RYR3: variants seen among roughly 807,000 people sequenced by gnomAD.
RYR3 encodes ryanodine receptor 3, also known as brain ryanodine receptor-calcium release channel.
In RYR3, 207 loss-of-function variants were observed where a neutral mutation model predicts 584.3. The ratio of observed to expected loss-of-function variants is 0.35; its 90% CI spans 0.32 to 0.40. RYR3 has a LOEUF of 0.40. RYR3 is among the 10% of genes least tolerant of loss of function. RYR3 has a pLI of 1.00. For missense variants in RYR3, 5,616 were observed against 6,089.2 expected, an observed-to-expected ratio of 0.92 and a Z score of 2.59; for synonymous variants, 2,416 against 2,248.5, an observed-to-expected ratio of 1.07 and a Z score of -2.11.
chr15:33,531,645 A>T lies in RYR3; in HGVS notation c.354+979A>T, dbSNP rs1186670820. Among the ~76,000 whole-genome samples, 4 of 103,360 alleles carry T rather than the reference A, an allele frequency of 3.9e-5. No individual in the cohort carries two copies. In the South Asian group the frequency reaches 1.1e-3, roughly 28 times the overall value. The allele number at this position is 103,360 out of a possible 152,430, so 67.8% of individuals were successfully genotyped here. On this transcript the variant is annotated intron_variant, in intron 4 of 103. Coordinates refer to ENST00000634891, the MANE Select transcript of RYR3 (RefSeq NM_001036.6). ...CATTTGCTGCAGCATATATATATAT[A>T]TATTTTTTTTTCTGAGCACTGGTAA...
rs771719327 is a variant in RYR3, at chr15:33,541,035, C to A, written c.646+145C>A. The A allele has an allele frequency of 5.7e-5, 34 of 596,496 alleles. No individual in the cohort carries two copies. The Middle Eastern group carries it at 2.7e-3, about 48-fold the overall frequency. 37.0% of individuals were successfully genotyped at this position (596,496 alleles called of 1,614,324 possible). On this transcript the variant is annotated intron_variant, in intron 7 of 103. Transcript: ENST00000634891. ...TTTTAGCTCACTTGAGTTTCTTTCT[C>A]TGAATTCAGTACAGATTATTTTCTA...
intron 51 of RYR3, 128 bp from the exon 52 acceptor site, chr15:33,742,238 A>G: frequency 1.5e-6 from 1 of 684,762 alleles, no homozygotes; most frequent in Non-Finnish European, 2.6e-6. Context: ...GTCCAGCTTT[A>G]GCTTTGGGAT....
intron 36 of RYR3, among the ~76,000 whole-genome samples, chr15:33,668,063 G>GGAAAA (rs530580495): frequency 1.0e-5 from 1 of 97,622 alleles, no homozygotes; most frequent in Non-Finnish European, 1.9e-5. Context: ...ACTCAGTCTT[G>GGAAAA]AAAAAAAAAA....
chr15:33,528,240 T>C (rs2054561370), intron 3 of RYR3, among the ~76,000 whole-genome samples: 1 of 152,172 alleles, frequency 6.6e-6, no homozygotes, highest in Admixed American at 6.5e-5. Flanking sequence ...CCAGTCAGTC[T>C]GAGCCCTCCA....
At chr15:33,578,118 C>T (rs555209449) in intron 12 of RYR3, among the ~76,000 whole-genome samples, 15 of 152,120 alleles carry the variant, frequency 9.9e-5, no homozygotes, top group South Asian at 8.3e-4. Context: ...CAGATGCTGG[C>T]GAGGCTGTGG....
At chr15:33,615,832 T>C (rs1290640032) in intron 19 of RYR3, among the ~76,000 whole-genome samples, 1 of 152,038 alleles carries the variant, frequency 6.6e-6, no homozygotes, top group African/African-American at 2.4e-5. Context: ...CACAGAAAAA[T>C]CTGATTGGAG....
intron 32 of RYR3, 21 bp downstream of exon 32, chr15:33,652,904 C>G (rs778741444): frequency 6.3e-7 from 1 of 1,594,792 alleles, no homozygotes; most frequent in South Asian, 1.1e-5. Flanking sequence ...CTTCTGGGGC[C>G]GAAACAGGGC....
At chr15:33,407,453 C>T (rs1398979998) in intron 1 of RYR3, among the ~76,000 whole-genome samples, 1 of 152,070 alleles carries the variant, frequency 6.6e-6, no homozygotes, top group African/African-American at 2.4e-5. Flanking sequence ...AACAGGAAGT[C>T]CATGTTCCTG....
intron 27 of RYR3, among the ~76,000 whole-genome samples, chr15:33,636,761 T>G (rs2061521921): frequency 6.6e-6 from 1 of 152,228 alleles, no homozygotes; most frequent in Admixed American, 6.5e-5. Flanking sequence ...TACATACACA[T>G]TCTGAACTCT....
chr15:33,830,519 A>T (rs2077612892), intron 85 of RYR3, among the ~76,000 whole-genome samples: 1 of 152,200 alleles, frequency 6.6e-6, no homozygotes, highest in African/African-American at 2.4e-5. Flanking sequence ...GACTCACTTT[A>T]TTGTAATGTT....
chr15:33,765,694 A>G (rs1246525807), intron 60 of RYR3, among the ~76,000 whole-genome samples: 3 of 151,880 alleles, frequency 2.0e-5, no homozygotes, highest in Admixed American at 2.0e-4. Context: ...TTTCCCTAGC[A>G]TCCAGTGAAC....
intron 42 of RYR3, among the ~76,000 whole-genome samples, chr15:33,701,995 A>G (rs1260363024): frequency 6.6e-6 from 1 of 152,300 alleles, no homozygotes; most frequent in Non-Finnish European, 1.5e-5. Flanking sequence ...AAAGAAATTC[A>G]TGCTCATACA....
intron 85 of RYR3, among the ~76,000 whole-genome samples, chr15:33,828,183 T>C (rs1321364218): frequency 6.6e-6 from 1 of 152,234 alleles, no homozygotes; most frequent in Non-Finnish European, 1.5e-5. Context: ...ACTATGCCCT[T>C]GTAAGACAGC....
rs2068038505 is a variant in RYR3, at chr15:33,722,752, G to C, written c.6657G>C (p.Lys2219Asn). Reference protein sequence around the residue: ...SVEENASVVVKLLIRRPECFG... With the variant: ...SVEENASVVVNLLIRRPECFG... ...AAGAAAACGCCAGCGTTGTGGTCAA[G>C]CTGCTCATCAGACGCCCAGAGTGCT... Residue 2219 changes from lysine (K) to asparagine (N), a missense_variant, in exon 44 of 104, where the codon AAG (lysine) becomes AAC (asparagine). Lys to Asn is a moderately conservative substitution (Grantham distance 94). Around this residue, in one of 9 missense-constraint regions of RYR3, gnomAD observed 1,280 missense variants for 1,426.2 expected, o/e 0.90. Transcript: ENST00000634891. The C allele has an allele frequency of 7.4e-6, 12 of 1,612,862 alleles. No homozygotes were observed. The East Asian group carries it at 2.7e-4, about 36-fold the overall frequency.
intron 16 of RYR3, among the ~76,000 whole-genome samples, chr15:33,595,002 A>C (rs956915576): frequency 6.6e-6 from 1 of 152,234 alleles, no homozygotes; most frequent in African/African-American, 2.4e-5. Context: ...CTTCCTGTAT[A>C]ATTTTTATAC....
intron 1 of RYR3, among the ~76,000 whole-genome samples, chr15:33,383,095 T>C (rs2041317986): frequency 6.6e-6 from 1 of 151,820 alleles, no homozygotes; most frequent in African/African-American, 2.4e-5. Flanking sequence ...AAGTGCCTCA[T>C]GGAGGCAGGG....
chr15:33,521,973 G>A (rs2054017394), intron 3 of RYR3, among the ~76,000 whole-genome samples: 1 of 151,964 alleles, frequency 6.6e-6, no homozygotes, highest in South Asian at 2.1e-4. Flanking sequence ...CTATTTGATG[G>A]CCAGATGCGG....
chr15:33,537,620 T>C (rs940731784), intron 5 of RYR3, among the ~76,000 whole-genome samples: 2 of 152,206 alleles, frequency 1.3e-5, no homozygotes, highest in African/African-American at 4.8e-5. Flanking sequence ...TTCTTATCCT[T>C]TGTGTGTGAC....
intron 1 of RYR3, among the ~76,000 whole-genome samples, chr15:33,355,954 C>T (rs1973915732): frequency 6.6e-6 from 1 of 152,072 alleles, no homozygotes; most frequent in South Asian, 2.1e-4. Flanking sequence ...CATATAGAAC[C>T]CTGTAGTAGA....
Sources: allele counts gnomAD v4.1 joint callset (sites outside exome capture counted in the v4.1 genomes callset), GRCh38; gene constraint gnomAD v4.1.1; regional missense constraint gnomAD v4.1.1; transcripts MANE v1.5; gene names NCBI Gene and HGNC (gene_info 2026-07-23, HGNC 2026-07-21).